Variants in CREBBP observed in about 807,000 individuals in gnomAD.
CREBBP encodes CREB-binding protein.
In CREBBP, 19 loss-of-function variants were observed where a neutral mutation model predicts 265.0. That is an observed-to-expected ratio of 0.07 (90% CI 0.05 to 0.11). The LOEUF (loss-of-function observed/expected upper bound fraction) is 0.11. CREBBP is among the 10% of genes least tolerant of loss of function. The pLI is 1.00. For synonymous variants in CREBBP, 1,457 were observed against 1,223.7 expected (o/e 1.19, Z -3.98); for missense variants, 2,525 against 3,219.0 (o/e 0.78, Z 5.22).
At chr16:3,764,956 GTTTT>G (rs963443705) in intron 16 of CREBBP, among the ~76,000 whole-genome samples, 2 of 145,662 alleles carry the variant, frequency 1.4e-5, no homozygotes, top group Non-Finnish European at 3.0e-5. Flanking sequence ...CATGTGTGTG[GTTTT>G]TTTTTTTGTT....
intron 13 of CREBBP, 59 bp downstream of exon 13, chr16:3,773,692 A>G (rs753882874): frequency 1.7e-5 from 27 of 1,578,944 alleles, no homozygotes; most frequent in Non-Finnish European, 2.3e-5. Flanking sequence ...AAAAAAAACC[A>G]AAACTTAACA....
chr16:3,729,230 G>A lies in CREBBP; in HGVS notation c.5817C>T (p.Thr1939=), dbSNP rs1453642212. Residue 1939 remains threonine, a synonymous_variant, in exon 31 of 31, where the codon ACC becomes ACT. Coordinates refer to ENST00000262367, the MANE Select transcript of CREBBP (RefSeq NM_004380.3). ...GGGGTGGGGGGGCCGGCACCTGGCT[G>A]GTAGGCTTCCCTGTGGACACCGTGG... The part of the protein sequence containing the change: ...PPTTVSTGKP[T]SQVPAPPPPA... 6.5e-7 allele frequency: 1 copy of A among 1,529,836 alleles called. No individual in the cohort carries two copies. The highest frequency in any genetic ancestry group is 8.7e-7 in the Non-Finnish European group (1 of 1,143,930). 94.8% of individuals were successfully genotyped at this position (1,529,836 alleles called of 1,614,324 possible). A position where few individuals can be genotyped will look rare whatever the true frequency, so the allele number is the denominator to read the frequency against.
chr16:3,864,034 C>A (rs527372574), intron 1 of CREBBP, among the ~76,000 whole-genome samples: 1 of 152,314 alleles, frequency 6.6e-6, no homozygotes, highest in South Asian at 2.1e-4. Flanking sequence ...CAGCCAAGAA[C>A]AGTCCTGGAG....
intron 3 of CREBBP, among the ~76,000 whole-genome samples, chr16:3,801,453 G>A (rs2053710831): frequency 6.6e-6 from 1 of 152,144 alleles, no homozygotes; most frequent in East Asian, 1.9e-4. Flanking sequence ...CAGATCACTT[G>A]AGGTCAGCAG....
intron 3 of CREBBP, among the ~76,000 whole-genome samples, chr16:3,796,940 A>G (rs1011749836): frequency 1.3e-5 from 2 of 152,180 alleles, no homozygotes; most frequent in African/African-American, 4.8e-5. Flanking sequence ...GGAATTCTGT[A>G]TATTTGTCTG....
At chr16:3,868,720 A>C (rs1479545608) in intron 1 of CREBBP, among the ~76,000 whole-genome samples, 1 of 152,108 alleles carries the variant, frequency 6.6e-6, no homozygotes, top group Non-Finnish European at 1.5e-5. Context: ...CCAGTCAGAC[A>C]TCGAGCTGAG....
intron 2 of CREBBP, among the ~76,000 whole-genome samples, chr16:3,848,552 T>C (rs574968247): frequency 1.3e-5 from 2 of 152,292 alleles, no homozygotes; most frequent in South Asian, 2.1e-4. Context: ...ATAGTAAATA[T>C]TGAGAGGTAT....
At chr16:3,794,708 C>T (rs2053574607) in intron 3 of CREBBP, among the ~76,000 whole-genome samples, 1 of 152,210 alleles carries the variant, frequency 6.6e-6, no homozygotes, top group Non-Finnish European at 1.5e-5. Context: ...AACCTTTTAA[C>T]AGCAAGGCAA....
Position 3,778,692 on chromosome 16 carries a change from C to A in CREBBP, c.1941+8G>T, listed in dbSNP as rs761673254. 6 of 1,607,460 alleles carry A rather than the reference C, an allele frequency of 3.7e-6. No homozygotes were observed. In the African/African-American group the frequency reaches 6.7e-5, roughly 18 times the overall value. ...GTAGAGGCCAGAGCACGGTAAACAG[C>A]AACCTACCCTGCTGTTGGCAGACTC... On this transcript the variant is annotated splice_region_variant and intron_variant, in intron 9 of 30. Coordinates refer to ENST00000262367, the MANE Select transcript of CREBBP (RefSeq NM_004380.3).
intron 2 of CREBBP, among the ~76,000 whole-genome samples, chr16:3,828,387 C>T (rs938109502): frequency 6.6e-6 from 1 of 152,196 alleles, no homozygotes; most frequent in Non-Finnish European, 1.5e-5. Context: ...CCACCATGCC[C>T]GTCGAAAGCT....
At chr16:3,761,561 A>G (rs1466565985) in intron 16 of CREBBP, 2 of 518,582 alleles carry the variant, frequency 3.9e-6, no homozygotes, top group African/African-American at 3.9e-5. Flanking sequence ...ATCAAAGCCC[A>G]GGATACAGAC....
intron 2 of CREBBP, among the ~76,000 whole-genome samples, chr16:3,826,101 T>G (rs570197879): frequency 3.9e-5 from 6 of 151,984 alleles, no homozygotes; most frequent in Admixed American, 3.3e-4. Context: ...TAGTCCCAGC[T>G]CCTCAGGAGG....
rs571049314 is a variant in CREBBP, at chr16:3,732,127, C to T, written c.4729-190G>A. Reference sequence around the variant, plus strand: ...TTCGGGACAGAGCAGGGCCTGTCCTCGGCCAGGCTGGTGTCATTATCAGCT... The same window carrying T: ...TTCGGGACAGAGCAGGGCCTGTCCTTGGCCAGGCTGGTGTCATTATCAGCT... On this transcript the variant is annotated intron_variant, in intron 28 of 30. Transcript: ENST00000262367. Among the ~76,000 whole-genome samples, 52 of 152,302 alleles carry T rather than the reference C, an allele frequency of 3.4e-4. 1 individual carries two copies. The highest frequency in any genetic ancestry group is 8.5e-4 in the Admixed American group (13 of 15,282).
chr16:3,728,645 G>A lies in CREBBP; in HGVS notation c.6402C>T (p.His2134=), dbSNP rs931899083. Residue 2134 remains histidine (H), a synonymous_variant, in exon 31 of 31, where the codon CAC becomes CAT. Transcript: ENST00000262367. The surrounding 1 kb of genome is among the most constrained non-coding windows in gnomAD (Gnocchi z 8.7). ...QPGMQPQPGM[H]QQPSLQNLNA... ...TCAGGTTCTGCAGGCTGGGCTGCTGGTGCATGCCAGGCTGGGGTTGCATGC... is the reference window on the plus strand; with the variant it reads ...TCAGGTTCTGCAGGCTGGGCTGCTGATGCATGCCAGGCTGGGGTTGCATGC... The A allele has an allele frequency of 2.5e-6, 4 of 1,613,750 alleles. No homozygotes were observed. The highest frequency in any genetic ancestry group is 1.3e-5 in the African/African-American group (1 of 75,024).
At position 3,727,493 on chromosome 16, in the gene CREBBP, C is replaced by T. The variant is rs2051775990; in HGVS notation, c.*225G>A. ...ACAAAACGGAAAAAAAAGAACCCCC[C>T]CCACCCCCCCGCCAAAAAAAAACCA... On this transcript the variant is annotated 3_prime_UTR_variant, in exon 31 of 31. Coordinates refer to ENST00000262367, the MANE Select transcript of CREBBP (RefSeq NM_004380.3). The T allele has an allele frequency of 1.8e-5, 2 of 112,748 alleles. No individual in the cohort carries two copies. The highest frequency in any genetic ancestry group is 3.6e-5 in the African/African-American group (1 of 27,636). The allele number at this position is 112,748 out of a possible 1,614,324, so 7.0% of individuals were successfully genotyped here. A position where few individuals can be genotyped will look rare whatever the true frequency, so the allele number is the denominator to read the frequency against.
chr16:3,777,435 A>T (rs1198314190), intron 11 of CREBBP, among the ~76,000 whole-genome samples, 178 bp downstream of exon 11: 1 of 152,190 alleles, frequency 6.6e-6, no homozygotes, highest in African/African-American at 2.4e-5. Flanking sequence ...ATAATCTCCA[A>T]ACTTCATACT....
intron 1 of CREBBP, among the ~76,000 whole-genome samples, chr16:3,866,640 T>G (rs1173087114): frequency 6.6e-6 from 1 of 152,150 alleles, no homozygotes; most frequent in African/African-American, 2.4e-5. Context: ...GTAAATACAT[T>G]TATGGTTTTT....
At chr16:3,831,581 T>G (rs1206312651) in intron 2 of CREBBP, among the ~76,000 whole-genome samples, 1 of 151,922 alleles carries the variant, frequency 6.6e-6, no homozygotes, top group Non-Finnish European at 1.5e-5. Context: ...AAGAAAAGGC[T>G]GACAACAACA....
chr16:3,728,370 G>C lies in CREBBP; in HGVS notation c.6677C>G (p.Ala2226Gly), dbSNP rs754601626. 3.0e-5 allele frequency: 48 copies of C among 1,612,732 alleles called. No homozygotes were observed. The highest frequency in any genetic ancestry group is 3.8e-5 in the Non-Finnish European group (45 of 1,179,576). ...QGSAGMAGGM[A>G]GHGQFQQPQG... is the part of the protein sequence containing the mutation. ...AGGCTGCTGGAACTGGCCGTGCCCC[G>C]CCATGCCCCCAGCCATGCCGGCACT... The change falls in exon 31 of 31, where the codon GCG becomes GGG. Residue 2226 changes from alanine (A) to glycine (G), a missense_variant. Ala to Gly is a moderately conservative substitution (Grantham distance 60). Around this residue, in one of 19 missense-constraint regions of CREBBP, gnomAD observed 473 missense variants for 459.3 expected, o/e 1.03. Transcript: ENST00000262367. The surrounding 1 kb of genome is among the most constrained non-coding windows in gnomAD (Gnocchi z 8.7).
Sources: gnomAD v4.1 joint callset for allele counts (sites outside exome capture counted in the v4.1 genomes callset) on GRCh38, gnomAD v4.1.1 for gene constraint, gnomAD v4.1.1 regional missense constraint, Gnocchi (gnomAD v3.1) non-coding constraint, MANE v1.5 for transcripts, NCBI Gene and HGNC (gene_info 2026-07-23, HGNC 2026-07-21) for gene names.